EEFSEC: variants seen among roughly 807,000 people sequenced by gnomAD.
EEFSEC encodes selenocysteine-specific elongation factor.
EEFSEC carries 43 observed loss-of-function variants against 42.1 expected under a neutral mutation model. The observed-to-expected ratio is 1.02, with a 90% CI of 0.80 to 1.32. The LOEUF (loss-of-function observed/expected upper bound fraction) is 1.32. Among genes scored for constraint, EEFSEC ranks in the 40% most tolerant of loss-of-function variants. EEFSEC has a pLI of 0.00. For missense variants in EEFSEC, 745 were observed against 803.6 expected, an observed-to-expected ratio of 0.93 and a Z score of 0.88; for synonymous variants, 354 against 339.1, an observed-to-expected ratio of 1.04 and a Z score of -0.48.
At chr3:128,179,850 G>C (rs910234839) in intron 1 of EEFSEC, among the ~76,000 whole-genome samples, 15 of 152,088 alleles carry the variant, frequency 9.9e-5, no homozygotes. Context: ...AAGTACATTT[G>C]AGTCAGCAAG....
intron 5 of EEFSEC, among the ~76,000 whole-genome samples, chr3:128,349,726 C>G (rs1559934009): frequency 6.6e-6 from 1 of 152,204 alleles, no homozygotes; most frequent in Non-Finnish European, 1.5e-5. Context: ...AGCTCTTACT[C>G]AGAAATCTCT....
chr3:128,387,086 G>T (rs909695048), intron 6 of EEFSEC, among the ~76,000 whole-genome samples: 1 of 152,214 alleles, frequency 6.6e-6, no homozygotes. Context: ...CTGGTGGCGC[G>T]TGGGCAGCTC....
chr3:128,279,088 AGGCC>A (rs2066497401), intron 4 of EEFSEC, among the ~76,000 whole-genome samples: 1 of 152,184 alleles, frequency 6.6e-6, no homozygotes. Context: ...CAGGGAGGGA[AGGCC>A]GGCCGCCAGA....
At chr3:128,234,959 C>T (rs2065993197) in intron 1 of EEFSEC, among the ~76,000 whole-genome samples, 1 of 152,216 alleles carries the variant, frequency 6.6e-6, no homozygotes, top group African/African-American at 2.4e-5. Context: ...AACTTAATAA[C>T]AGTGTTTTAC....
At chr3:128,292,642 A>G (rs1460271875) in intron 4 of EEFSEC, among the ~76,000 whole-genome samples, 1 of 151,796 alleles carries the variant, frequency 6.6e-6, no homozygotes, top group African/African-American at 2.4e-5. Flanking sequence ...TTGAATCTGT[A>G]GTGATATCTT....
At chr3:128,217,210 G>A (rs2065819429) in intron 1 of EEFSEC, among the ~76,000 whole-genome samples, 1 of 152,126 alleles carries the variant, frequency 6.6e-6, no homozygotes, top group African/African-American at 2.4e-5. Context: ...TACAGCAATA[G>A]GGCGAGATAG....
intron 4 of EEFSEC, among the ~76,000 whole-genome samples, chr3:128,280,327 C>T (rs1302442336): frequency 6.6e-6 from 1 of 152,226 alleles, no homozygotes; most frequent in African/African-American, 2.4e-5. Flanking sequence ...AGCTGGTATT[C>T]ATCTGTTTCT....
intron 1 of EEFSEC, among the ~76,000 whole-genome samples, chr3:128,231,074 C>T (rs2065954880): frequency 6.6e-6 from 1 of 152,114 alleles, no homozygotes; most frequent in African/African-American, 2.4e-5. Flanking sequence ...TCCTCCCCTC[C>T]ATCCCCTCTC....
intron 1 of EEFSEC, among the ~76,000 whole-genome samples, chr3:128,207,264 T>A (rs2065707483): frequency 8.1e-6 from 1 of 123,784 alleles, no homozygotes; most frequent in Admixed American, 9.1e-5. Flanking sequence ...CCCTCCATTT[T>A]CTTCCCTCCA....
At chr3:128,267,298 T>C (rs896024287) in intron 4 of EEFSEC, among the ~76,000 whole-genome samples, 2 of 152,304 alleles carry the variant, frequency 1.3e-5, no homozygotes, top group African/African-American at 2.4e-5. Flanking sequence ...GGAACTTGCC[T>C]ATCAGGATGC....
chr3:128,380,492 C>T (rs1487197395), intron 6 of EEFSEC, among the ~76,000 whole-genome samples: 1 of 152,170 alleles, frequency 6.6e-6, no homozygotes, highest in Non-Finnish European at 1.5e-5. Context: ...CAGCTCAAGC[C>T]CTCCACCATG....
At chr3:128,372,678 TAC>T (rs1004347491) in intron 6 of EEFSEC, among the ~76,000 whole-genome samples, 3 of 152,334 alleles carry the variant, frequency 2.0e-5, no homozygotes, top group Non-Finnish European at 4.4e-5. Context: ...TGAAATCCAC[TAC>T]AGTGTAGAAA....
At chr3:128,165,172 C>T (rs531736932) in intron 1 of EEFSEC, among the ~76,000 whole-genome samples, 1 of 152,282 alleles carries the variant, frequency 6.6e-6, no homozygotes, top group South Asian at 2.1e-4. Flanking sequence ...GCGTTTCCAT[C>T]TACATTGCTC....
chr3:128,200,668 G>GA (rs2065634557), intron 1 of EEFSEC, among the ~76,000 whole-genome samples: 1 of 152,236 alleles, frequency 6.6e-6, no homozygotes, highest in Admixed American at 6.5e-5. Context: ...AATGCTAGCT[G>GA]AAACGATGGG....
At chr3:128,255,269 G>A (rs1446556489) in intron 2 of EEFSEC, among the ~76,000 whole-genome samples, 1 of 152,118 alleles carries the variant, frequency 6.6e-6, no homozygotes, top group East Asian at 1.9e-4. Flanking sequence ...TCTCGGGGAC[G>A]TGAAGGATAG....
chr3:128,195,860 T>C (rs578082890), intron 1 of EEFSEC, among the ~76,000 whole-genome samples: 1 of 152,368 alleles, frequency 6.6e-6, no homozygotes, highest in East Asian at 1.9e-4. Flanking sequence ...GGGAGAGCTC[T>C]GGCCCTTCTC....
rs143642878 is a variant in EEFSEC at position 128,203,596 on chromosome 3, C to T, written c.317-43240C>T. 1.7e-3 allele frequency among the ~76,000 whole-genome samples: 260 copies of T among 152,308 alleles called. 4 individuals carry two copies. The highest frequency in any genetic ancestry group is 0.01 in the Middle Eastern group (3 of 294). Reference sequence around the variant, plus strand: ...GAAGTAAATCATCTGCTGCAGGTGACATGAGTAGGGGCAGAAACGAGGCTG... The same window carrying T: ...GAAGTAAATCATCTGCTGCAGGTGATATGAGTAGGGGCAGAAACGAGGCTG... On this transcript the variant is annotated intron_variant, in intron 1 of 6. Transcript: ENST00000254730.
In EEFSEC at chr3:128,257,663, A is replaced by G. The variant is rs1478421014; in HGVS notation, c.525-4465A>G. Among the ~76,000 whole-genome samples the G allele has an allele frequency of 3.3e-5, 5 of 152,362 alleles. No individual in the cohort carries two copies. The South Asian group carries it at 1.0e-3, about 32-fold the overall frequency. On this transcript the variant is annotated intron_variant, in intron 2 of 6. Coordinates refer to ENST00000254730, the MANE Select transcript of EEFSEC (RefSeq NM_021937.5). ...AGCATTCAATTTAGTTTTCATAGAAACAGCTATTTTCACACTGTTGTTTCA... is the reference window on the plus strand; with the variant it reads ...AGCATTCAATTTAGTTTTCATAGAAGCAGCTATTTTCACACTGTTGTTTCA...
intron 6 of EEFSEC, among the ~76,000 whole-genome samples, chr3:128,360,794 G>T (rs937694862): frequency 6.6e-6 from 1 of 152,094 alleles, no homozygotes; most frequent in African/African-American, 2.4e-5. Flanking sequence ...ACATTCCTTC[G>T]TCTGGTCAAT....
Sources: allele counts gnomAD v4.1 joint callset (sites outside exome capture counted in the v4.1 genomes callset), GRCh38; gene constraint gnomAD v4.1.1; transcripts MANE v1.5; gene names NCBI Gene and HGNC (gene_info 2026-07-23, HGNC 2026-07-21).